RBFOX3: variants seen among roughly 807,000 people sequenced by gnomAD.
RBFOX3 encodes RNA binding protein fox-1 homolog 3.
A neutral mutation model predicts 48.7 loss-of-function variants in RBFOX3; 17 were observed. That is an observed-to-expected ratio of 0.35 (90% CI 0.24 to 0.52). The LOEUF is 0.52. Ranked by LOEUF, RBFOX3 falls within the 20% of genes least tolerant of loss-of-function variation. RBFOX3 has a pLI of 0.94. For synonymous variants in RBFOX3, 212 were observed against 209.5 expected, an observed-to-expected ratio of 1.01 and a Z score of -0.10; for missense variants, 382 against 497.5, an observed-to-expected ratio of 0.77 and a Z score of 2.21.
chr17:79,648,037 T>A, the RBFOX3 span, among the ~76,000 whole-genome samples: 1 of 150,558 alleles, frequency 6.6e-6, no homozygotes, highest in Non-Finnish European at 1.5e-5. Context: ...CTCCTGGGGG[T>A]CCAGCAGGGG....
chr17:79,171,647 A>G (rs1025241429), intron 4 of RBFOX3, among the ~76,000 whole-genome samples: 1 of 61,822 alleles, frequency 1.6e-5, no homozygotes, highest in Non-Finnish European at 2.9e-5. Flanking sequence ...AATTAAAAAA[A>G]AAATAGATCT....
intron 1 of RBFOX3, among the ~76,000 whole-genome samples, chr17:79,565,612 G>T (rs919560498): frequency 2.6e-5 from 4 of 152,082 alleles, no homozygotes; most frequent in Non-Finnish European, 5.9e-5. Context: ...AAGTGCTGGG[G>T]TTACAGGTGT....
chr17:79,292,752 C>T (rs926256232), intron 3 of RBFOX3, among the ~76,000 whole-genome samples: 1 of 152,216 alleles, frequency 6.6e-6, no homozygotes, highest in African/African-American at 2.4e-5. Context: ...CTTTCCTCCG[C>T]TCAATTCTGC....
chr17:79,137,062 G>A (rs750084761), intron 4 of RBFOX3, among the ~76,000 whole-genome samples: 5 of 152,142 alleles, frequency 3.3e-5, no homozygotes, highest in African/African-American at 4.8e-5. Context: ...CCTCCGGCTC[G>A]AGATCTTCCC....
At chr17:79,123,432 C>T (rs1012110603) in intron 4 of RBFOX3, among the ~76,000 whole-genome samples, 2 of 151,986 alleles carry the variant, frequency 1.3e-5, no homozygotes. Context: ...TGCCCTTCCC[C>T]CTCTGAGTGC....
intron 2 of RBFOX3, among the ~76,000 whole-genome samples, chr17:79,374,700 G>T (rs898058432): frequency 2.6e-5 from 4 of 152,226 alleles, no homozygotes; most frequent in Admixed American, 6.5e-5. Flanking sequence ...GTGTAGGTGT[G>T]CCTGGCTTTT....
intron 1 of RBFOX3, among the ~76,000 whole-genome samples, chr17:79,560,745 C>G (rs1391088607): frequency 6.6e-6 from 1 of 152,220 alleles, no homozygotes; most frequent in African/African-American, 2.4e-5. Flanking sequence ...CACTTCCCCA[C>G]CCATGACAGC....
At chr17:79,509,251 C>T (rs1290115246) in intron 1 of RBFOX3, among the ~76,000 whole-genome samples, 2 of 152,116 alleles carry the variant, frequency 1.3e-5, no homozygotes, top group East Asian at 1.9e-4. Context: ...TCGATAGGAG[C>T]GCCAGAGCCG....
At chr17:79,648,693 G>A in the RBFOX3 span, among the ~76,000 whole-genome samples, 1 of 152,210 alleles carries the variant, frequency 6.6e-6, no homozygotes, top group Non-Finnish European at 1.5e-5. Context: ...GGCCAGGTAT[G>A]GAAGCGGTTA....
chr17:79,201,711 C>T (rs909851335), intron 4 of RBFOX3, among the ~76,000 whole-genome samples: 1 of 152,180 alleles, frequency 6.6e-6, no homozygotes, highest in African/African-American at 2.4e-5. Context: ...GGAGGTGGCC[C>T]ATGGCCCCCA....
chr17:79,160,998 CA>C (rs2046869768), intron 4 of RBFOX3, among the ~76,000 whole-genome samples: 1 of 138,086 alleles, frequency 7.2e-6, no homozygotes, highest in African/African-American at 2.8e-5. Flanking sequence ...AAAAAAAAAA[CA>C]AAAAAGTCTC....
At chr17:79,265,801 C>T (rs1298717380) in intron 3 of RBFOX3, among the ~76,000 whole-genome samples, 3 of 152,144 alleles carry the variant, frequency 2.0e-5, no homozygotes, top group African/African-American at 2.4e-5. Flanking sequence ...TGAGAGCCTG[C>T]GGCTGGGCAG....
At chr17:79,564,328 G>T (rs1393098227) in intron 1 of RBFOX3, among the ~76,000 whole-genome samples, 1 of 152,208 alleles carries the variant, frequency 6.6e-6, no homozygotes, top group African/African-American at 2.4e-5. Flanking sequence ...AATCGTGCTG[G>T]GAAGAAAACC....
intron 2 of RBFOX3, among the ~76,000 whole-genome samples, chr17:79,450,528 C>A (rs368702993): frequency 8.5e-6 from 1 of 118,088 alleles, no homozygotes; most frequent in Non-Finnish European, 1.8e-5. Context: ...ACACAGACCA[C>A]CCTGGACTTC....
rs1290246829 is a variant in RBFOX3 at position 79,463,354 on chromosome 17, C to T, written c.-175+19100G>A. Among the ~76,000 whole-genome samples, 6 of 91,192 alleles carry T rather than the reference C, an allele frequency of 6.6e-5. 1 individual carries two copies. Among genetic ancestry groups the T allele is most frequent in the African/African-American group, 1.6e-4 (4 of 24,482 alleles). The allele number at this position is 91,192 out of a possible 152,430, so 59.8% of individuals were successfully genotyped here. A position where few individuals can be genotyped will look rare whatever the true frequency, so the allele number is the denominator to read the frequency against. On this transcript the variant is annotated intron_variant, in intron 2 of 14. Coordinates refer to ENST00000693108, the MANE Select transcript of RBFOX3 (RefSeq NM_001350451.2). ...CCTCCACCACCATCGCCACCTCCACCGCCATCGCCACCGCCAGTGCCACCG... is the reference window on the plus strand; with the variant it reads ...CCTCCACCACCATCGCCACCTCCACTGCCATCGCCACCGCCAGTGCCACCG...
chr17:79,637,558 G>A, the RBFOX3 span, among the ~76,000 whole-genome samples: 7 of 151,770 alleles, frequency 4.6e-5, no homozygotes. Flanking sequence ...AGCCTGGCGT[G>A]GTGGCACACA....
At chr17:79,287,742 C>T (rs1180161896) in intron 3 of RBFOX3, among the ~76,000 whole-genome samples, 1 of 152,172 alleles carries the variant, frequency 6.6e-6, no homozygotes, top group Non-Finnish European at 1.5e-5. Flanking sequence ...GCTGGAGGGA[C>T]AGAGCCCACA....
intron 1 of RBFOX3, among the ~76,000 whole-genome samples, chr17:79,498,379 A>T (rs1049552290): frequency 6.6e-6 from 1 of 152,026 alleles, no homozygotes; most frequent in Non-Finnish European, 1.5e-5. Flanking sequence ...CCACTCATCC[A>T]TCCACCCATC....
chr17:79,287,577 C>T (rs1198957595), intron 3 of RBFOX3, among the ~76,000 whole-genome samples: 10 of 152,202 alleles, frequency 6.6e-5, no homozygotes, highest in Admixed American at 6.5e-4. Context: ...GGATCAGACC[C>T]ACTGATGTGA....
Sources: gnomAD v4.1 joint callset for allele counts (sites outside exome capture counted in the v4.1 genomes callset) on GRCh38, gnomAD v4.1.1 for gene constraint, MANE v1.5 for transcripts, NCBI Gene and HGNC (gene_info 2026-07-23, HGNC 2026-07-21) for gene names.